The following TAFA5 variants were observed in gnomAD, a reference collection of about 807,000 sequenced individuals.
The protein encoded by TAFA5 is TAFA chemokine like family member 5, also known as chemokine-like protein TAFA-5.
TAFA5 carries 6 observed loss-of-function variants against 15.3 expected under a neutral mutation model. The observed-to-expected ratio is 0.39, with a 90% confidence interval of 0.21 to 0.77. TAFA5 has a LOEUF of 0.77. Ranked by LOEUF, TAFA5 falls within the 30% of genes least tolerant of loss-of-function variation. The pLI is 0.41. For synonymous variants in TAFA5, 103 were observed against 80.7 expected, an observed-to-expected ratio of 1.28 and a Z score of -1.48; for missense variants, 161 against 193.1, an observed-to-expected ratio of 0.83 and a Z score of 0.98.
chr22:48,544,543 G>A (rs1922587429), intron 1 of TAFA5: 5 of 382,756 alleles, frequency 1.3e-5, no homozygotes, highest in Non-Finnish European at 2.7e-5. Flanking sequence ...AGCACCAGGA[G>A]GGTGCAACGG....
intron 1 of TAFA5, among the ~76,000 whole-genome samples, chr22:48,527,607 G>C (rs962439854): frequency 3.3e-5 from 5 of 152,212 alleles, no homozygotes; most frequent in African/African-American, 1.2e-4. Context: ...TCCAGCTCTT[G>C]TAAGTCTGCC....
intron 3 of TAFA5, among the ~76,000 whole-genome samples, chr22:48,713,521 C>T (rs1277400096): frequency 6.6e-6 from 1 of 152,210 alleles, no homozygotes; most frequent in African/African-American, 2.4e-5. Flanking sequence ...GTCAGCCTGC[C>T]GGCGAGTTCT....
chr22:48,545,422 G>A (rs950571197), intron 1 of TAFA5: 23 of 185,162 alleles, frequency 1.2e-4, no homozygotes, highest in African/African-American at 4.9e-4. Flanking sequence ...CCTATGTCTT[G>A]TATCTCCTAA....
At chr22:48,586,121 G>C (rs1924350381) in intron 1 of TAFA5, among the ~76,000 whole-genome samples, 1 of 152,254 alleles carries the variant, frequency 6.6e-6, no homozygotes, top group South Asian at 2.1e-4. Context: ...GCTTCCTGAG[G>C]AGGAAGGTAC....
chr22:48,736,856 G>A (rs371424828), intron 3 of TAFA5, among the ~76,000 whole-genome samples: 3 of 152,230 alleles, frequency 2.0e-5, no homozygotes, highest in Non-Finnish European at 4.4e-5. Flanking sequence ...GGTTGCTGAC[G>A]GGTATGGCGT....
At chr22:48,557,772 C>T (rs1049670647) in intron 1 of TAFA5, among the ~76,000 whole-genome samples, 35 of 152,250 alleles carry the variant, frequency 2.3e-4, no homozygotes, top group African/African-American at 7.9e-4. Context: ...CGGTGATGGG[C>T]GATCATTGTT....
chr22:48,489,643 C>T lies in TAFA5; in HGVS notation c.51C>T (p.Pro17=), dbSNP rs1928068844. The change falls in exon 1 of 4, where the codon CCC becomes CCT. Residue 17 remains proline, a synonymous_variant. Coordinates refer to ENST00000402357, the MANE Select transcript of TAFA5 (RefSeq NM_001082967.3). This position sits in a 1 kb window ranked among gnomAD's most constrained non-coding sequence, Gnocchi z 5.5. ...TGSRQDATAL[P]SMSSTFWAFM... ...GCCGGCAAGATGCGACCGCCCTGCC[C>T]AGCATGTCCTCAACTTTCTGGGCGT... is the stretch of plus-strand genomic sequence containing the variant. 1.3e-6 allele frequency: 2 copies of T among 1,529,650 alleles called. No individual in the cohort carries two copies. Among genetic ancestry groups the T allele is most frequent in the Admixed American group, 2.0e-5 (1 of 50,176 alleles). The allele number at this position is 1,529,650 out of a possible 1,614,324, so 94.8% of individuals were successfully genotyped here.
chr22:48,489,760 C>A lies in TAFA5; in HGVS notation c.112+56C>A. On this transcript the variant is annotated intron_variant, in intron 1 of 3. Transcript: ENST00000402357. This position sits in a 1 kb window ranked among gnomAD's most constrained non-coding sequence, Gnocchi z 5.5. ...GGCCCTCTGGGCCCCGGACCCCCTCCTCCGGCCCCGGCAGGCGCCCCGCGG... is the reference window on the plus strand; with the variant it reads ...GGCCCTCTGGGCCCCGGACCCCCTCATCCGGCCCCGGCAGGCGCCCCGCGG... 1 of 1,151,298 alleles carries A rather than the reference C, an allele frequency of 8.7e-7. No individual in the cohort carries two copies. The highest frequency in any genetic ancestry group is 1.1e-6 in the Non-Finnish European group (1 of 881,062). 71.3% of individuals were successfully genotyped at this position (1,151,298 alleles called of 1,614,324 possible).
rs1261748771 is a variant in TAFA5 at position 48,566,944 on chromosome 22, C to T, written c.112+77240C>T. Among the ~76,000 whole-genome samples, 3 of 152,216 alleles carry T rather than the reference C, an allele frequency of 2.0e-5. No homozygotes were observed. Among genetic ancestry groups the T allele is most frequent in the African/African-American group, 7.2e-5 (3 of 41,464 alleles). On this transcript the variant is annotated intron_variant, in intron 1 of 3. Coordinates refer to ENST00000402357, the MANE Select transcript of TAFA5 (RefSeq NM_001082967.3). The surrounding 1 kb of genome is among the most constrained non-coding windows in gnomAD (Gnocchi z 4.5). ...GGTTTGTCCTTTCTCCTTTGCTCCG[C>T]AGCACTGCTGCCTGCGGACTGGCCG... is the stretch of plus-strand genomic sequence containing the variant.
At chr22:48,639,875 A>T (rs1171374506) in intron 1 of TAFA5, among the ~76,000 whole-genome samples, 1 of 151,872 alleles carries the variant, frequency 6.6e-6, no homozygotes, top group Non-Finnish European at 1.5e-5. Context: ...GGGCTCTGGG[A>T]ATTTTGCCGG....
intron 2 of TAFA5, among the ~76,000 whole-genome samples, chr22:48,699,247 A>G (rs969900025): frequency 6.6e-6 from 1 of 152,094 alleles, no homozygotes; most frequent in Non-Finnish European, 1.5e-5. Flanking sequence ...ACGCCTTTTA[A>G]GGGAAAGACC....
chr22:48,688,601 G>A (rs553204962), intron 2 of TAFA5, among the ~76,000 whole-genome samples: 16 of 152,182 alleles, frequency 1.1e-4, no homozygotes, highest in African/African-American at 3.9e-4. Flanking sequence ...TTCCCTGGCC[G>A]GCTCCTCCCT....
At chr22:48,673,065 A>T (rs1927852556) in intron 2 of TAFA5, among the ~76,000 whole-genome samples, 1 of 152,102 alleles carries the variant, frequency 6.6e-6, no homozygotes, top group Non-Finnish European at 1.5e-5. Flanking sequence ...CCAAATCTCC[A>T]GCTTCTTCTT....
rs1923428308 is a variant in TAFA5, at chr22:48,566,954, G to A, written c.112+77250G>A. Among the ~76,000 whole-genome samples the A allele has an allele frequency of 6.6e-6, 1 of 152,230 alleles. No homozygotes were observed. Among genetic ancestry groups the A allele is most frequent in the Non-Finnish European group, 1.5e-5 (1 of 68,042 alleles). ...TTCTCCTTTGCTCCGCAGCACTGCT[G>A]CCTGCGGACTGGCCGCACTGGATTC... On this transcript the variant is annotated intron_variant, in intron 1 of 3. Coordinates refer to ENST00000402357, the MANE Select transcript of TAFA5 (RefSeq NM_001082967.3). This position sits in a 1 kb window ranked among gnomAD's most constrained non-coding sequence, Gnocchi z 4.5.
At chr22:48,719,917 A>C (rs542341528) in intron 3 of TAFA5, among the ~76,000 whole-genome samples, 13 of 152,316 alleles carry the variant, frequency 8.5e-5, no homozygotes, top group African/African-American at 2.9e-4. Flanking sequence ...CAGAAACAAA[A>C]AAAAATTGGT....
intron 2 of TAFA5, among the ~76,000 whole-genome samples, chr22:48,661,819 G>C (rs139778114): frequency 6.6e-6 from 1 of 152,156 alleles, no homozygotes; most frequent in African/African-American, 2.4e-5. Flanking sequence ...TGAACTGGGG[G>C]CCTGGGAGCC....
At chr22:48,678,185 T>C (rs1310306499) in intron 2 of TAFA5, among the ~76,000 whole-genome samples, 1 of 152,180 alleles carries the variant, frequency 6.6e-6, no homozygotes, top group Non-Finnish European at 1.5e-5. Context: ...CCATGTTCCC[T>C]CTGCTGAGGG....
At chr22:48,695,226 C>G (rs1370219935) in intron 2 of TAFA5, among the ~76,000 whole-genome samples, 3 of 151,966 alleles carry the variant, frequency 2.0e-5, no homozygotes, top group African/African-American at 7.3e-5. Flanking sequence ...ACTCCTTTTC[C>G]CATGCTGTTG....
At chr22:48,528,823 G>A (rs1921866078) in intron 1 of TAFA5, among the ~76,000 whole-genome samples, 1 of 152,202 alleles carries the variant, frequency 6.6e-6, no homozygotes, top group Non-Finnish European at 1.5e-5. Flanking sequence ...AGAAGCTGGG[G>A]GTCTGTGGAG....
Sources: allele counts gnomAD v4.1 joint callset (sites outside exome capture counted in the v4.1 genomes callset), GRCh38; gene constraint gnomAD v4.1.1; non-coding constraint Gnocchi (gnomAD v3.1); transcripts MANE v1.5; gene names NCBI Gene and HGNC (gene_info 2026-07-23, HGNC 2026-07-21).